INPP4B: variants seen among roughly 807,000 people sequenced by gnomAD.
The protein encoded by INPP4B is inositol polyphosphate 4-phosphatase type II.
A neutral mutation model predicts 122.5 loss-of-function variants in INPP4B; 55 were observed. The observed-to-expected ratio is 0.45, with a 90% CI of 0.36 to 0.56. The LOEUF (loss-of-function observed/expected upper bound fraction) is 0.56, where lower values mean the gene tolerates loss of function less well. INPP4B is among the 20% of genes least tolerant of loss of function. INPP4B has a pLI of 0.00. For synonymous variants in INPP4B, 403 were observed against 388.7 expected (o/e 1.04, Z -0.43); for missense variants, 1,000 against 1,097.7 (o/e 0.91, Z 1.26).
At chr4:142,246,107 C>T (rs1217742542) in intron 11 of INPP4B, among the ~76,000 whole-genome samples, 1 of 145,710 alleles carries the variant, frequency 6.9e-6, no homozygotes, top group Non-Finnish European at 1.5e-5. Flanking sequence ...TGTATACACA[C>T]ATATATATAT....
chr4:142,735,081 AC>A (rs1337594543), intron 1 of INPP4B, among the ~76,000 whole-genome samples: 1 of 152,204 alleles, frequency 6.6e-6, no homozygotes, highest in African/African-American at 2.4e-5. Flanking sequence ...CCTGAAGACA[AC>A]AGCAGTCTTT....
chr4:142,511,678 G>T (rs1369685332), intron 2 of INPP4B, among the ~76,000 whole-genome samples: 1 of 152,076 alleles, frequency 6.6e-6, no homozygotes, highest in Non-Finnish European at 1.5e-5. Flanking sequence ...TACTTAGGCT[G>T]GGACTCAGGC....
chr4:142,172,403 T>G (rs1204823518), intron 16 of INPP4B, among the ~76,000 whole-genome samples: 1 of 151,934 alleles, frequency 6.6e-6, no homozygotes, highest in African/African-American at 2.4e-5. Flanking sequence ...TGACATAAAG[T>G]GTGAAGCCCC....
chr4:142,206,851 C>T (rs1214317783), intron 14 of INPP4B, among the ~76,000 whole-genome samples: 1 of 152,000 alleles, frequency 6.6e-6, no homozygotes, highest in Non-Finnish European at 1.5e-5. Context: ...TTTAAGTACA[C>T]AATATAGTAC....
intron 7 of INPP4B, chr4:142,317,637 AT>A: frequency 6.5e-6 from 1 of 154,372 alleles, no homozygotes. Context: ...ACCTGCATAC[AT>A]TTTGATATTA....
chr4:142,043,905 G>C (rs1749741812), intron 25 of INPP4B, among the ~76,000 whole-genome samples: 1 of 152,092 alleles, frequency 6.6e-6, no homozygotes, highest in African/African-American at 2.4e-5. Flanking sequence ...AGGACTGAGG[G>C]ACAAGAGTTG....
intron 21 of INPP4B, 92 bp from the exon 22 acceptor site, chr4:142,112,774 A>C (rs963518943): frequency 6.6e-5 from 80 of 1,218,778 alleles, no homozygotes; most frequent in Middle Eastern, 2.0e-4. Context: ...AAGGGTTGGA[A>C]TATAGCACTG....
At chr4:142,540,253 C>T (rs1364615658) in intron 2 of INPP4B, among the ~76,000 whole-genome samples, 1 of 151,762 alleles carries the variant, frequency 6.6e-6, no homozygotes, top group African/African-American at 2.4e-5. Flanking sequence ...GGAAAATTTT[C>T]TTTCATTTAC....
intron 17 of INPP4B, among the ~76,000 whole-genome samples, chr4:142,159,758 C>G (rs1819135332): frequency 6.6e-6 from 1 of 151,980 alleles, no homozygotes; most frequent in African/African-American, 2.4e-5. Flanking sequence ...TTCGGCCCAA[C>G]TAGAATTTCT....
rs1180816366 is a variant in INPP4B, at chr4:142,270,706, T to C, written c.572A>G (p.Asp191Gly). 5.6e-6 allele frequency: 9 copies of C among 1,613,718 alleles called. No individual in the cohort carries two copies. Among genetic ancestry groups the C allele is most frequent in the African/African-American group, 1.3e-5 (1 of 74,974 alleles). The change falls in exon 10 of 26, where the codon GAT (aspartate) becomes GGT (glycine). Residue 191 changes from aspartate to glycine, a missense_variant. By Grantham distance (94) the Asp-to-Gly change is moderately conservative (BLOSUM62 -1). Transcript: ENST00000262992. ...TGTGGTGATGTGGTCGGCTTCCCCA[T>C]CCTCAATCTCCCCCATCTTCACGAC... ...VSVVKMGEIE[D>G]GEADHITTDV...
chr4:142,274,757 A>G (rs1747567764), intron 9 of INPP4B, among the ~76,000 whole-genome samples: 1 of 151,812 alleles, frequency 6.6e-6, no homozygotes, highest in Non-Finnish European at 1.5e-5. Context: ...GGCTGCAGTA[A>G]TCAGTATCTC....
Position 142,431,051 on chromosome 4 carries a change from C to T in INPP4B, c.91+118G>A, listed in dbSNP as rs866250704. The T allele has an allele frequency of 5.4e-5, 38 of 698,360 alleles. 1 individual carries two copies. In the Middle Eastern group the frequency reaches 5.5e-3, roughly 101 times the overall value. 43.3% of individuals were successfully genotyped at this position (698,360 alleles called of 1,614,324 possible). A position where few individuals can be genotyped will look rare whatever the true frequency, so the allele number is the denominator to read the frequency against. ...GGAAAAATACTTTGGTAATTTCATG[C>T]CATTTATTAGAACCGAAGTTCCTAT... On this transcript the variant is annotated intron_variant, in intron 4 of 25. Coordinates refer to ENST00000262992, the MANE Select transcript of INPP4B (RefSeq NM_001101669.3).
chr4:142,648,836 C>T (rs1210390946), intron 2 of INPP4B, among the ~76,000 whole-genome samples: 6 of 152,204 alleles, frequency 3.9e-5, no homozygotes, highest in Admixed American at 3.9e-4. Flanking sequence ...GCTCTGAAGA[C>T]AGCTGTAGTT....
intron 2 of INPP4B, among the ~76,000 whole-genome samples, chr4:142,725,187 T>C (rs1253186346): frequency 6.6e-6 from 1 of 152,148 alleles, no homozygotes; most frequent in Non-Finnish European, 1.5e-5. Context: ...AATATTTGCA[T>C]GAGTTTTCAT....
intron 1 of INPP4B, among the ~76,000 whole-genome samples, chr4:142,737,384 G>C (rs1767115295): frequency 6.6e-6 from 1 of 152,130 alleles, no homozygotes; most frequent in African/African-American, 2.4e-5. Context: ...TTTAATAAAT[G>C]GTGCTGGGAA....
intron 17 of INPP4B, among the ~76,000 whole-genome samples, chr4:142,156,583 C>G (rs934969592): frequency 6.6e-6 from 1 of 152,018 alleles, no homozygotes; most frequent in Non-Finnish European, 1.5e-5. Context: ...GAAAATAAAC[C>G]CTTAAAGCAT....
intron 23 of INPP4B, among the ~76,000 whole-genome samples, chr4:142,102,872 C>G (rs1390930191): frequency 6.6e-6 from 1 of 152,042 alleles, no homozygotes; most frequent in African/African-American, 2.4e-5. Context: ...CCTGAAATTT[C>G]CAACTGTCTT....
At chr4:142,421,808 A>C (rs1331546934) in intron 5 of INPP4B, among the ~76,000 whole-genome samples, 5 of 152,108 alleles carry the variant, frequency 3.3e-5, no homozygotes, top group Non-Finnish European at 7.4e-5. Flanking sequence ...CCATTGTTAC[A>C]ATGAATTATA....
chr4:142,519,687 T>C (rs1435608399), intron 2 of INPP4B, among the ~76,000 whole-genome samples: 6 of 152,140 alleles, frequency 3.9e-5, no homozygotes, highest in Non-Finnish European at 5.9e-5. Context: ...GCTAAAGTAC[T>C]AACATTACCA....
Sources: gnomAD v4.1 joint callset for allele counts (sites outside exome capture counted in the v4.1 genomes callset) on GRCh38, gnomAD v4.1.1 for gene constraint, MANE v1.5 for transcripts, NCBI Gene and HGNC (gene_info 2026-07-23, HGNC 2026-07-21) for gene names.